Variants in SLC22A16 observed in about 807,000 individuals in gnomAD.
SLC22A16 encodes solute carrier family 22 member 16.
A neutral mutation model predicts 52.9 loss-of-function variants in SLC22A16; 53 were observed. The ratio of observed to expected loss-of-function variants is 1.00; its 90% confidence interval spans 0.80 to 1.26. The LOEUF (loss-of-function observed/expected upper bound fraction) is 1.26, where lower values mean the gene tolerates loss of function less well. Among genes scored for constraint, SLC22A16 ranks in the 50% most tolerant of loss-of-function variants. SLC22A16 has a pLI of 0.00. For synonymous variants in SLC22A16, 291 were observed against 268.8 expected, an observed-to-expected ratio of 1.08 and a Z score of -0.81; for missense variants, 726 against 704.0, an observed-to-expected ratio of 1.03 and a Z score of -0.35.
Position 110,438,624 on chromosome 6 carries a change from T to C in SLC22A16, c.1311+96A>G. ...ATTATATACTCTGCCCAAATCATAC[T>C]CTGAATTGACCTTCATACTTAACTG... On this transcript the variant is annotated intron_variant, in intron 5 of 7. Coordinates refer to ENST00000368919, the MANE Select transcript of SLC22A16 (RefSeq NM_033125.4). The C allele has an allele frequency of 2.3e-6, 3 of 1,327,792 alleles. No homozygotes were observed. The East Asian group carries it at 7.5e-5, about 33-fold the overall frequency. The allele number at this position is 1,327,792 out of a possible 1,614,324, so 82.3% of individuals were successfully genotyped here.
At chr6:110,447,111 G>C in intron 2 of SLC22A16, 121 bp from the exon 3 acceptor site, 1 of 743,584 alleles carries the variant, frequency 1.3e-6, no homozygotes, top group South Asian at 2.0e-5. Flanking sequence ...TGTATTGATT[G>C]TTTTTCTTTT....
At chr6:110,458,266 C>T (rs1010496697) in intron 1 of SLC22A16, among the ~76,000 whole-genome samples, 1 of 152,202 alleles carries the variant, frequency 6.6e-6, no homozygotes, top group Non-Finnish European at 1.5e-5. Flanking sequence ...CTTTACCCTG[C>T]CCCCATGTCT....
At chr6:110,425,342 T>C (rs9487402) in intron 7 of SLC22A16, 1 of 1,411,718 alleles carries the variant, frequency 7.1e-7, no homozygotes. Flanking sequence ...AATTGCCAGC[T>C]ACTGCCTGCA....
At chr6:110,476,460 GGAAA>G (rs1776484122) in intron 1 of SLC22A16, 58 bp downstream of exon 1, 3 of 1,442,932 alleles carry the variant, frequency 2.1e-6, no homozygotes, top group Admixed American at 5.5e-5. Flanking sequence ...CCGCCGCAAC[GGAAA>G]GAAACAGACC....
intron 6 of SLC22A16, 47 bp downstream of exon 6, chr6:110,435,805 C>A (rs7765849): frequency 0.12 from 171,777 of 1,375,744 alleles, 11,410 homozygotes; most frequent in African/African-American, 0.17. Context: ...AAATGACACA[C>A]AAGTGAAAGA....
At chr6:110,437,043 C>T (rs530879770) in intron 5 of SLC22A16, among the ~76,000 whole-genome samples, 1 of 152,258 alleles carries the variant, frequency 6.6e-6, no homozygotes, top group South Asian at 2.1e-4. Flanking sequence ...CAGCTAGGTA[C>T]AAATACATGG....
Position 110,442,648 on chromosome 6 carries a change from G to A in SLC22A16, c.779C>T (p.Thr260Ile). ...CCACCAGGTCCTGACCAAGTATCCT[G>A]TCAAAGCCACCAGCAGGGTTCCAAC... is the stretch of plus-strand genomic sequence containing the variant. ...FAVGTLLVALTGYLVRTWWLY... is the reference protein window; with the variant it reads ...FAVGTLLVALIGYLVRTWWLY... Residue 260 changes from threonine (T) to isoleucine (I), a missense_variant, in exon 4 of 8, where the codon ACA (threonine) becomes ATA (isoleucine). Physicochemically the swap from Thr to Ile is moderately conservative, Grantham distance 89. Coordinates refer to ENST00000368919, the MANE Select transcript of SLC22A16 (RefSeq NM_033125.4). The A allele has an allele frequency of 6.2e-7, 1 of 1,614,164 alleles. No individual in the cohort carries two copies. Among genetic ancestry groups the A allele is most frequent in the South Asian group, 1.1e-5 (1 of 91,078 alleles).
At chr6:110,428,344 G>A (rs549895849) in intron 7 of SLC22A16, among the ~76,000 whole-genome samples, 54 of 132,690 alleles carry the variant, frequency 4.1e-4, no homozygotes, top group African/African-American at 1.5e-3. Flanking sequence ...CACACCCTGT[G>A]GCCAGAGCTG....
chr6:110,452,585 C>T (rs772137947), intron 2 of SLC22A16, among the ~76,000 whole-genome samples: 1 of 152,072 alleles, frequency 6.6e-6, no homozygotes, highest in Non-Finnish European at 1.5e-5. Flanking sequence ...TGTAATCCCA[C>T]CTACTTGGGA....
chr6:110,428,641 C>G (rs926329304), intron 7 of SLC22A16, among the ~76,000 whole-genome samples: 6 of 152,200 alleles, frequency 3.9e-5, no homozygotes, highest in Admixed American at 2.6e-4. Flanking sequence ...TTAGGCAGGG[C>G]ATGGTGGTTT....
chr6:110,462,181 C>T (rs531142714), intron 1 of SLC22A16, among the ~76,000 whole-genome samples: 1 of 152,322 alleles, frequency 6.6e-6, no homozygotes, highest in Non-Finnish European at 1.5e-5. Context: ...ATCCCTCCCA[C>T]AACACGTGGG....
At chr6:110,448,023 T>C (rs907111522) in intron 2 of SLC22A16, among the ~76,000 whole-genome samples, 29 of 152,178 alleles carry the variant, frequency 1.9e-4, no homozygotes, top group African/African-American at 6.3e-4. Context: ...TAGAGTGAAA[T>C]TCCTGGGTCA....
chr6:110,427,021 G>C (rs1444256429), intron 7 of SLC22A16, among the ~76,000 whole-genome samples: 2 of 151,866 alleles, frequency 1.3e-5, no homozygotes, highest in African/African-American at 2.4e-5. Context: ...GGAGGCTAAG[G>C]CTGGCGGATC....
intron 1 of SLC22A16, among the ~76,000 whole-genome samples, chr6:110,459,173 G>A (rs141807044): frequency 2.8e-4 from 42 of 152,290 alleles, no homozygotes; most frequent in African/African-American, 7.9e-4. Context: ...CTCTCTCCAG[G>A]AAGTAGAGTT....
chr6:110,442,090 A>T (rs1023710056), intron 4 of SLC22A16, among the ~76,000 whole-genome samples, 154 bp downstream of exon 4: 3 of 152,216 alleles, frequency 2.0e-5, no homozygotes, highest in African/African-American at 7.2e-5. Context: ...ACACTAAGAG[A>T]TATCATAATA....
Position 110,442,459 on chromosome 6 carries a change from G to C in SLC22A16, c.968C>G (p.Ser323Ter). The C allele has an allele frequency of 6.2e-7, 1 of 1,614,214 alleles. No individual in the cohort carries two copies. The highest frequency in any genetic ancestry group is 8.5e-7 in the Non-Finnish European group (1 of 1,180,038). ...KWNRASSCKLSELLSLDLQGP... is the reference protein window; with the variant it reads ...KWNRASSCKL ...TTGTAGGTCCAGTGATAAAAGTTCT[G>C]ACAGTTTACAGGAGCTTGCCCTGTT... Residue 323 changes from serine (S) to a stop codon, truncating the protein, a stop_gained, in exon 4 of 8, where the codon TCA becomes TGA. Transcript: ENST00000368919. LOFTEE classifies it high-confidence loss of function.
rs954942698 is a variant in SLC22A16, at chr6:110,442,776, C to T, written c.652-1G>A. ...CCACCACAAGATAGCCACTTGCAAC[C>T]TGAAAAACAAATAATAGGGATTTAT... On this transcript the variant is annotated splice_acceptor_variant, in intron 3 of 7. Coordinates refer to ENST00000368919, the MANE Select transcript of SLC22A16 (RefSeq NM_033125.4). LOFTEE classifies it high-confidence loss of function. 2.5e-6 allele frequency: 4 copies of T among 1,609,858 alleles called. No homozygotes were observed. The highest frequency in any genetic ancestry group is 1.7e-5 in the Admixed American group (1 of 59,164).
chr6:110,449,536 T>C (rs1231729022), intron 2 of SLC22A16, among the ~76,000 whole-genome samples: 1 of 152,158 alleles, frequency 6.6e-6, no homozygotes, highest in African/African-American at 2.4e-5. Flanking sequence ...TAGGACTTTG[T>C]TTTTCTTAAT....
At chr6:110,440,735 C>A (rs1774932773) in intron 4 of SLC22A16, among the ~76,000 whole-genome samples, 1 of 152,158 alleles carries the variant, frequency 6.6e-6, no homozygotes, top group Non-Finnish European at 1.5e-5. Context: ...TGAGATCACA[C>A]CACTGCACTC....
Sources: gnomAD v4.1 joint callset for allele counts (sites outside exome capture counted in the v4.1 genomes callset) on GRCh38, gnomAD v4.1.1 for gene constraint, MANE v1.5 for transcripts, NCBI Gene and HGNC (gene_info 2026-07-23, HGNC 2026-07-21) for gene names.